SPIRE2: variants seen among roughly 807,000 people sequenced by gnomAD.
The protein encoded by SPIRE2 is spire type actin nucleation factor 2.
Under a neutral mutation model 80.7 loss-of-function variants are expected in SPIRE2, and 76 were observed. That is an observed-to-expected ratio of 0.94 (90% CI 0.78 to 1.14). The LOEUF (loss-of-function observed/expected upper bound fraction) is 1.14, where lower values mean the gene tolerates loss of function less well. SPIRE2 is among the 50% of genes most tolerant of loss of function. The pLI, the probability that SPIRE2 is intolerant of heterozygous loss-of-function variation, is 0.00. For synonymous variants in SPIRE2, 535 were observed against 432.6 expected (o/e 1.24, Z -2.94); for missense variants, 1,196 against 1,015.3 (o/e 1.18, Z -2.42).
intron 1 of SPIRE2, among the ~76,000 whole-genome samples, chr16:89,841,265 G>A (rs1042290288): frequency 2.0e-5 from 3 of 152,078 alleles, no homozygotes; most frequent in Non-Finnish European, 4.4e-5. Flanking sequence ...GGAGAAATAG[G>A]CTCTTAACTC....
chr16:89,843,858 C>T (rs2143795096), intron 1 of SPIRE2, among the ~76,000 whole-genome samples: 1 of 143,484 alleles, frequency 7.0e-6, no homozygotes, highest in South Asian at 2.4e-4. Context: ...CACTACCATG[C>T]CCAGCTATTT....
At chr16:89,837,144 G>A (rs57267516) in intron 1 of SPIRE2, among the ~76,000 whole-genome samples, 12,740 of 152,168 alleles carry the variant, frequency 0.084, 641 homozygotes, top group East Asian at 0.23. Flanking sequence ...TCGAGGCTCC[G>A]TTGTCAGGCC....
chr16:89,840,463 A>G (rs1034147819), intron 1 of SPIRE2, among the ~76,000 whole-genome samples: 3 of 149,908 alleles, frequency 2.0e-5, no homozygotes, highest in Non-Finnish European at 4.4e-5. Context: ...GTTAGCCAGG[A>G]TGGTTTCGAT....
At chr16:89,835,037 G>A (rs1031356229) in intron 1 of SPIRE2, among the ~76,000 whole-genome samples, 8 of 121,100 alleles carry the variant, frequency 6.6e-5, no homozygotes, top group Admixed American at 1.8e-4. Flanking sequence ...TCGTAGAAGC[G>A]TGGATAAGCA....
intron 3 of SPIRE2, among the ~76,000 whole-genome samples, chr16:89,851,526 A>G (rs1260545927): frequency 6.6e-6 from 1 of 152,148 alleles, no homozygotes; most frequent in East Asian, 1.9e-4. Context: ...GCCCGAAGCC[A>G]CAAAGCAAGA....
chr16:89,833,047 A>T (rs539531472), intron 1 of SPIRE2, among the ~76,000 whole-genome samples: 1 of 150,050 alleles, frequency 6.7e-6, no homozygotes, highest in South Asian at 2.1e-4. Context: ...CTGGAGTGCA[A>T]TGCCGTGATC....
chr16:89,868,387 A>C (rs1207902344), intron 13 of SPIRE2, among the ~76,000 whole-genome samples, 171 bp downstream of exon 13: 1 of 152,228 alleles, frequency 6.6e-6, no homozygotes, highest in African/African-American at 2.4e-5. Flanking sequence ...AAAGACCCTT[A>C]CAGGTTTTTG....
intron 1 of SPIRE2, among the ~76,000 whole-genome samples, chr16:89,844,285 C>A (rs1035721005): frequency 3.3e-5 from 5 of 152,110 alleles, no homozygotes; most frequent in African/African-American, 1.2e-4. Flanking sequence ...TCTCACGCCT[C>A]AGTCTCCTGA....
Position 89,860,555 on chromosome 16 carries a change from C to T in SPIRE2, c.1463-128C>T, listed in dbSNP as rs1033068082. 4.1e-5 allele frequency: 26 copies of T among 641,388 alleles called. No individual in the cohort carries two copies. The East Asian group carries it at 5.6e-4, about 14-fold the overall frequency. 39.7% of individuals were successfully genotyped at this position (641,388 alleles called of 1,614,324 possible). On this transcript the variant is annotated intron_variant, in intron 9 of 14. Coordinates refer to ENST00000378247, the MANE Select transcript of SPIRE2 (RefSeq NM_032451.2). Reference sequence around the variant, plus strand: ...ACTGCCCGTGTAGCTACTGCCCGGCCGCTTCTCCCCTTGACCTTTTGCTTG... The same window carrying T: ...ACTGCCCGTGTAGCTACTGCCCGGCTGCTTCTCCCCTTGACCTTTTGCTTG...
Position 89,856,237 on chromosome 16 carries a change from G to A in SPIRE2, c.1102+1G>A, listed in dbSNP as rs552615145. 1.3e-6 allele frequency: 2 copies of A among 1,567,368 alleles called. No homozygotes were observed. Among genetic ancestry groups the A allele is most frequent in the South Asian group, 2.3e-5 (2 of 85,902 alleles). Reference sequence around the variant, plus strand: ...CGGGGCGAGGGCTGGGCTGCCCGCGGTGAGTGAGGGGATGGCAGGAGAAGA... The same window carrying A: ...CGGGGCGAGGGCTGGGCTGCCCGCGATGAGTGAGGGGATGGCAGGAGAAGA... On this transcript the variant is annotated splice_donor_variant, in intron 7 of 14. Transcript: ENST00000378247. LOFTEE classifies it high-confidence loss of function.
Position 89,863,478 on chromosome 16 carries a change from G to A in SPIRE2, c.1578G>A (p.Glu526=), listed in dbSNP as rs563947077. 1 of 1,613,998 alleles carries A rather than the reference G, an allele frequency of 6.2e-7. No homozygotes were observed. Among genetic ancestry groups the A allele is most frequent in the East Asian group, 2.2e-5 (1 of 44,888 alleles). The change falls in exon 11 of 15, where the codon GAG becomes GAA. Residue 526 remains glutamate, a splice_region_variant and synonymous_variant. Transcript: ENST00000378247. The surrounding 1 kb of genome is among the most constrained non-coding windows in gnomAD (Gnocchi z 4.3). ...TCCTACCTGAGGCCGTCCCCTAGGAGTTCAGCCACCCCGTGGAGAGCCTGG... is the reference window on the plus strand; with the variant it reads ...TCCTACCTGAGGCCGTCCCCTAGGAATTCAGCCACCCCGTGGAGAGCCTGG... ...MTPDAKHLWL[E]FSHPVESLAL...
rs368101569 is a variant in SPIRE2, at chr16:89,863,618, T to G, written c.1710+8T>G. 3.7e-6 allele frequency: 6 copies of G among 1,613,920 alleles called. No individual in the cohort carries two copies. The African/African-American group carries it at 8.0e-5, about 22-fold the overall frequency. ...AGTCTGAAGAAGGGGAAGGTGAGGC[T>G]GCCTAGACGTGGGGCTACGCTCTTG... On this transcript the variant is annotated splice_region_variant and intron_variant, in intron 11 of 14. Transcript: ENST00000378247. This position sits in a 1 kb window ranked among gnomAD's most constrained non-coding sequence, Gnocchi z 4.3.
At chr16:89,858,177 G>A (rs528185935) in intron 7 of SPIRE2, among the ~76,000 whole-genome samples, 161 bp from the exon 8 acceptor site, 39 of 152,184 alleles carry the variant, frequency 2.6e-4, no homozygotes, top group African/African-American at 8.7e-4. Flanking sequence ...GAGCCACCGC[G>A]CCCGGCCTAG....
At chr16:89,831,044 G>A (rs1412981697) in intron 1 of SPIRE2, among the ~76,000 whole-genome samples, 1 of 150,142 alleles carries the variant, frequency 6.7e-6, no homozygotes, top group Admixed American at 6.6e-5. Flanking sequence ...CGAGTAGCTG[G>A]GACTACAGGC....
chr16:89,836,627 T>G (rs1453063062), intron 1 of SPIRE2, among the ~76,000 whole-genome samples: 1 of 151,966 alleles, frequency 6.6e-6, no homozygotes, highest in African/African-American at 2.4e-5. Flanking sequence ...GGAATGTACA[T>G]TCACCCAGAA....
At chr16:89,860,892 C>T (rs2041737626) in intron 10 of SPIRE2, 97 bp downstream of exon 10, 4 of 743,836 alleles carry the variant, frequency 5.4e-6, no homozygotes, top group Non-Finnish European at 8.2e-6. Context: ...GGTCTGAGCA[C>T]CTGTCTGGGG....
In SPIRE2 at chr16:89,869,975, G is replaced by A. The variant is rs1239794006; in HGVS notation, c.1923-75G>A. On this transcript the variant is annotated intron_variant, in intron 14 of 14. Transcript: ENST00000378247. Reference sequence around the variant, plus strand: ...TGAAAGGCAGCCAGGAGGGGGCTGTGGCATGCACAAGCAGGGAGGGGGGTG... The same window carrying A: ...TGAAAGGCAGCCAGGAGGGGGCTGTAGCATGCACAAGCAGGGAGGGGGGTG... The A allele has an allele frequency of 5.3e-6, 7 of 1,311,122 alleles. No individual in the cohort carries two copies. The East Asian group carries it at 1.5e-4, about 28-fold the overall frequency. 81.2% of individuals were successfully genotyped at this position (1,311,122 alleles called of 1,614,324 possible).
chr16:89,853,985 G>T (rs1366983234), intron 3 of SPIRE2, among the ~76,000 whole-genome samples: 2 of 152,378 alleles, frequency 1.3e-5, no homozygotes, highest in Admixed American at 6.5e-5. Context: ...CAGCGTAAAG[G>T]CCTGGCTGGG....
At chr16:89,865,600 C>G (rs2143828688) in intron 12 of SPIRE2, among the ~76,000 whole-genome samples, 1 of 152,288 alleles carries the variant, frequency 6.6e-6, no homozygotes, top group East Asian at 1.9e-4. Context: ...TTAAACACAA[C>G]TGTATCTCGC....
Sources: allele counts gnomAD v4.1 joint callset (sites outside exome capture counted in the v4.1 genomes callset), GRCh38; gene constraint gnomAD v4.1.1; non-coding constraint Gnocchi (gnomAD v3.1); transcripts MANE v1.5; gene names NCBI Gene and HGNC (gene_info 2026-07-23, HGNC 2026-07-21).